The following NEGR1 variants were observed in gnomAD, a reference collection of about 807,000 sequenced individuals.
The protein encoded by NEGR1 is neuronal growth regulator 1.
NEGR1 carries 10 observed loss-of-function variants against 40.9 expected under a neutral mutation model. That is an observed-to-expected ratio of 0.24 (90% CI 0.15 to 0.42). The LOEUF (loss-of-function observed/expected upper bound fraction) is 0.42, where lower values mean the gene tolerates loss of function less well. NEGR1 is among the 10% of genes least tolerant of loss of function. NEGR1 has a pLI of 1.00. For missense variants in NEGR1, 352 were observed against 438.9 expected (o/e 0.80, Z 1.77); for synonymous variants, 185 against 166.8 (o/e 1.11, Z -0.84).
chr1:71,709,410 A>G (rs1203692513), intron 3 of NEGR1, among the ~76,000 whole-genome samples: 1 of 152,134 alleles, frequency 6.6e-6, no homozygotes, highest in Non-Finnish European at 1.5e-5. Context: ...AGTAATGTTG[A>G]GCTTTGTTCA....
At chr1:72,188,518 A>G (rs1652695702) in intron 1 of NEGR1, among the ~76,000 whole-genome samples, 1 of 151,464 alleles carries the variant, frequency 6.6e-6, no homozygotes, top group Non-Finnish European at 1.5e-5. Context: ...ACAATGTTTG[A>G]TTTAAAATCA....
At chr1:71,646,590 CTGTT>C (rs961233979) in intron 4 of NEGR1, among the ~76,000 whole-genome samples, 2 of 151,830 alleles carry the variant, frequency 1.3e-5, no homozygotes, top group African/African-American at 4.8e-5. Flanking sequence ...GCAAGACAAT[CTGTT>C]TGAGGAATGA....
chr1:71,684,460 T>C (rs913981962), intron 4 of NEGR1, among the ~76,000 whole-genome samples: 4 of 152,184 alleles, frequency 2.6e-5, no homozygotes, highest in Non-Finnish European at 5.9e-5. Flanking sequence ...CAACACATAC[T>C]AACGTATGTT....
At chr1:71,762,894 T>A (rs1341214382) in intron 3 of NEGR1, among the ~76,000 whole-genome samples, 2 of 152,118 alleles carry the variant, frequency 1.3e-5, no homozygotes, top group Non-Finnish European at 2.9e-5. Flanking sequence ...CGTTCTCTAA[T>A]GAAGAAAACT....
At chr1:72,186,240 G>T (rs928936774) in intron 1 of NEGR1, among the ~76,000 whole-genome samples, 2 of 151,594 alleles carry the variant, frequency 1.3e-5, no homozygotes, top group Admixed American at 1.3e-4. Flanking sequence ...CATGCCATTT[G>T]CCAACTTCCA....
chr1:72,155,913 A>C (rs902812857), intron 1 of NEGR1, among the ~76,000 whole-genome samples: 2 of 152,140 alleles, frequency 1.3e-5, no homozygotes, highest in Non-Finnish European at 1.5e-5. Context: ...ATATGGAGAA[A>C]AAGTAAGGAA....
intron 6 of NEGR1, among the ~76,000 whole-genome samples, chr1:71,493,986 C>T (rs1646946060): frequency 6.6e-6 from 1 of 152,152 alleles, no homozygotes; most frequent in African/African-American, 2.4e-5. Context: ...CCTGAAGTGA[C>T]TTATCTTTAC....
At chr1:71,476,999 A>G (rs1442141043) in intron 6 of NEGR1, 2 of 152,150 alleles carry the variant, frequency 1.3e-5, no homozygotes, top group Non-Finnish European at 2.9e-5. Flanking sequence ...ATGCAATTAT[A>G]AGTTTATATT....
At chr1:72,182,417 CG>C (rs1194298215) in intron 1 of NEGR1, among the ~76,000 whole-genome samples, 1 of 151,936 alleles carries the variant, frequency 6.6e-6, no homozygotes, top group Non-Finnish European at 1.5e-5. Context: ...CATTTGAACC[CG>C]GGGGGTGGAG....
chr1:72,251,864 G>A lies in NEGR1; in HGVS notation c.176+30455C>T, dbSNP rs1280440868. ...AGGCAATTTTTATTTGTTCTACAGGGCACATTTTGGCCAAACTTACTTGTT... is the reference window on the plus strand; with the variant it reads ...AGGCAATTTTTATTTGTTCTACAGGACACATTTTGGCCAAACTTACTTGTT... On this transcript the variant is annotated intron_variant, in intron 1 of 6. Transcript: ENST00000357731. Among the ~76,000 whole-genome samples the A allele has an allele frequency of 2.0e-5, 3 of 151,870 alleles. 1 individual carries two copies. Among genetic ancestry groups the A allele is most frequent in the Non-Finnish European group, 2.9e-5 (2 of 67,960 alleles).
intron 6 of NEGR1, among the ~76,000 whole-genome samples, chr1:71,479,691 C>T (rs1024056924): frequency 6.6e-6 from 1 of 151,948 alleles, no homozygotes; most frequent in Non-Finnish European, 1.5e-5. Flanking sequence ...TTAAACATCT[C>T]TTGCATAAAA....
intron 1 of NEGR1, 52 bp downstream of exon 1, chr1:72,282,267 G>C (rs929275559): frequency 1.9e-6 from 3 of 1,600,170 alleles, no homozygotes; most frequent in African/African-American, 1.3e-5. Flanking sequence ...GGTTCAAAGA[G>C]AGACAGAAAG....
chr1:72,012,451 G>A (rs1047960888), intron 1 of NEGR1, among the ~76,000 whole-genome samples: 7 of 152,060 alleles, frequency 4.6e-5, no homozygotes, highest in Non-Finnish European at 8.8e-5. Flanking sequence ...TGGTGCCAAA[G>A]TGAATTGTGG....
intron 2 of NEGR1, among the ~76,000 whole-genome samples, chr1:71,897,896 A>G (rs865789545): frequency 6.6e-6 from 1 of 152,192 alleles, no homozygotes; most frequent in Admixed American, 6.6e-5. Context: ...AGACTTAGAC[A>G]TGAGATTTTC....
chr1:72,176,858 T>C (rs1652185208), intron 1 of NEGR1, among the ~76,000 whole-genome samples: 1 of 152,038 alleles, frequency 6.6e-6, no homozygotes, highest in Non-Finnish European at 1.5e-5. Flanking sequence ...CAGATGTAGA[T>C]AGCTTATATT....
At chr1:71,745,731 C>T (rs917116603) in intron 3 of NEGR1, among the ~76,000 whole-genome samples, 16 of 152,096 alleles carry the variant, frequency 1.1e-4, no homozygotes, top group African/African-American at 7.2e-5. Flanking sequence ...TGCAGTGAGC[C>T]GAGATTGTGC....
At chr1:71,614,601 TCTAA>T (rs1316396985) in intron 4 of NEGR1, among the ~76,000 whole-genome samples, 2 of 152,316 alleles carry the variant, frequency 1.3e-5, no homozygotes, top group East Asian at 3.9e-4. Context: ...TTTTATGATA[TCTAA>T]CTATTATTGA....
chr1:72,030,723 C>A (rs1646850718), intron 1 of NEGR1, among the ~76,000 whole-genome samples: 1 of 151,928 alleles, frequency 6.6e-6, no homozygotes, highest in Admixed American at 6.6e-5. Context: ...TTAGATAAAG[C>A]AAATGTAGTT....
chr1:72,109,726 C>T (rs1649280319), intron 1 of NEGR1, among the ~76,000 whole-genome samples: 2 of 151,700 alleles, frequency 1.3e-5, no homozygotes, highest in South Asian at 4.1e-4. Context: ...CTTCAGTGAT[C>T]AGCTCCTAAC....
Sources: gnomAD v4.1 joint callset for allele counts (sites outside exome capture counted in the v4.1 genomes callset) on GRCh38, gnomAD v4.1.1 for gene constraint, MANE v1.5 for transcripts, NCBI Gene and HGNC (gene_info 2026-07-23, HGNC 2026-07-21) for gene names.